The following VTI1A variants were observed in gnomAD, a reference collection of about 807,000 sequenced individuals.
VTI1A encodes vesicle transport through interaction with t-SNAREs homolog 1A.
In VTI1A, 22 loss-of-function variants were observed where a neutral mutation model predicts 34.9. That is an observed-to-expected ratio of 0.63 (90% CI 0.45 to 0.90). The LOEUF (loss-of-function observed/expected upper bound fraction) is 0.90, where lower values mean the gene tolerates loss of function less well. Among genes scored for constraint, VTI1A ranks in the 40% least tolerant of loss-of-function variants. The probability of loss-of-function intolerance (pLI) is 0.00; values close to 1 mark genes in which losing one functional copy is unlikely to be tolerated. For synonymous variants in VTI1A, 87 were observed against 97.3 expected (o/e 0.89, Z 0.62); for missense variants, 268 against 275.6 (o/e 0.97, Z 0.20).
At position 112,647,003 on chromosome 10, in the gene VTI1A, G is replaced by A. The variant is rs548379876; in HGVS notation, c.428-21215G>A. Among the ~76,000 whole-genome samples, 333 of 152,092 alleles carry A rather than the reference G, an allele frequency of 2.2e-3. 1 individual carries two copies. The highest frequency in any genetic ancestry group is 3.9e-3 in the Non-Finnish European group (262 of 68,002). On this transcript the variant is annotated intron_variant, in intron 5 of 7. Coordinates refer to ENST00000393077, the MANE Select transcript of VTI1A (RefSeq NM_145206.4). ...ATGCCTGTTATGTAATTGACTCTCCGTAATATTTATTGGCTTGAATTATAA... is the reference window on the plus strand; with the variant it reads ...ATGCCTGTTATGTAATTGACTCTCCATAATATTTATTGGCTTGAATTATAA...
intron 5 of VTI1A, among the ~76,000 whole-genome samples, chr10:112,539,621 C>A (rs1038649307): frequency 2.6e-5 from 4 of 152,210 alleles, no homozygotes; most frequent in Admixed American, 6.5e-5. Flanking sequence ...ATGGAAAGAG[C>A]CTTGAACATG....
At chr10:112,557,652 A>G (rs576448037) in intron 5 of VTI1A, among the ~76,000 whole-genome samples, 70 of 152,210 alleles carry the variant, frequency 4.6e-4, no homozygotes, top group Non-Finnish European at 7.9e-4. Flanking sequence ...AACAAATTAT[A>G]TATATATATT....
intron 4 of VTI1A, among the ~76,000 whole-genome samples, chr10:112,537,088 C>T (rs964757150): frequency 3.3e-5 from 5 of 151,726 alleles, no homozygotes; most frequent in African/African-American, 1.2e-4. Context: ...TGTGTGGCAC[C>T]TCCTTTTTTA....
chr10:112,781,821 C>G (rs1852136746), intron 7 of VTI1A, among the ~76,000 whole-genome samples: 1 of 152,154 alleles, frequency 6.6e-6, no homozygotes, highest in Non-Finnish European at 1.5e-5. Context: ...CACCACTGCA[C>G]TCCAGCCTGG....
At chr10:112,628,191 T>A (rs1845994809) in intron 5 of VTI1A, among the ~76,000 whole-genome samples, 1 of 152,236 alleles carries the variant, frequency 6.6e-6, no homozygotes, top group South Asian at 2.1e-4. Context: ...TATTCCATAA[T>A]GTGTCTGTAT....
At chr10:112,655,341 G>A (rs985625875) in intron 5 of VTI1A, among the ~76,000 whole-genome samples, 2 of 152,162 alleles carry the variant, frequency 1.3e-5, no homozygotes, top group African/African-American at 4.8e-5. Flanking sequence ...TAGAAACCAA[G>A]GAGTAAAGAG....
chr10:112,551,039 G>A (rs764178942), intron 5 of VTI1A, among the ~76,000 whole-genome samples: 8 of 151,888 alleles, frequency 5.3e-5, no homozygotes, highest in East Asian at 3.9e-4. Context: ...GTCGGGAGAT[G>A]GAGACCATCC....
intron 7 of VTI1A, among the ~76,000 whole-genome samples, chr10:112,814,782 C>T (rs1048383883): frequency 1.3e-5 from 2 of 152,212 alleles, no homozygotes; most frequent in East Asian, 1.9e-4. Flanking sequence ...GCACATTTGA[C>T]ACTTGTTTCT....
intron 5 of VTI1A, among the ~76,000 whole-genome samples, chr10:112,637,608 G>A (rs551781832): frequency 1.3e-5 from 2 of 152,078 alleles, no homozygotes; most frequent in Admixed American, 6.5e-5. Context: ...GCAGTGTGCC[G>A]AGATCGCGCT....
At chr10:112,597,325 C>A (rs1236673858) in intron 5 of VTI1A, among the ~76,000 whole-genome samples, 2 of 152,108 alleles carry the variant, frequency 1.3e-5, no homozygotes, top group Admixed American at 6.6e-5. Context: ...TCAAGCGATT[C>A]TCTTGCCTCA....
intron 7 of VTI1A, among the ~76,000 whole-genome samples, chr10:112,697,518 T>A (rs536915853): frequency 6.6e-6 from 1 of 151,512 alleles, no homozygotes; most frequent in African/African-American, 2.4e-5. Flanking sequence ...TGCCTCAGCC[T>A]CCTGAGTAGC....
intron 5 of VTI1A, among the ~76,000 whole-genome samples, chr10:112,599,789 A>G (rs1157110197): frequency 6.6e-6 from 1 of 152,128 alleles, no homozygotes; most frequent in Admixed American, 6.5e-5. Context: ...TATGTTGCCC[A>G]GGTTGGTTTC....
intron 5 of VTI1A, among the ~76,000 whole-genome samples, chr10:112,571,428 C>T (rs1852113689): frequency 1.3e-5 from 2 of 152,124 alleles, no homozygotes; most frequent in African/African-American, 4.8e-5. Flanking sequence ...TAGCAGTTGA[C>T]ACAATGAGAT....
intron 3 of VTI1A, among the ~76,000 whole-genome samples, chr10:112,490,893 A>G (rs1258690558): frequency 6.6e-6 from 1 of 152,136 alleles, no homozygotes; most frequent in East Asian, 1.9e-4. Flanking sequence ...TAGCATTGAG[A>G]AAGGCACTTA....
rs530981577 is a variant in VTI1A, at chr10:112,526,993, C to T, written c.265-94C>T. 170 of 1,234,552 alleles carry T rather than the reference C, an allele frequency of 1.4e-4. 2 individuals are homozygous for T. The East Asian group carries it at 3.9e-3, about 29-fold the overall frequency. 76.5% of individuals were successfully genotyped at this position (1,234,552 alleles called of 1,614,324 possible). A position where few individuals can be genotyped will look rare whatever the true frequency, so the allele number is the denominator to read the frequency against. ...CAATAGGTTTCCATTAGGGGGCTCTCGAGGTTTGAGATCAGCCTTGATACC... is the reference window on the plus strand; with the variant it reads ...CAATAGGTTTCCATTAGGGGGCTCTTGAGGTTTGAGATCAGCCTTGATACC... On this transcript the variant is annotated intron_variant, in intron 3 of 7. Transcript: ENST00000393077.
chr10:112,733,309 G>A (rs868210261), intron 7 of VTI1A, among the ~76,000 whole-genome samples: 8 of 151,934 alleles, frequency 5.3e-5, no homozygotes, highest in African/African-American at 1.7e-4. Flanking sequence ...ACAATGTTAT[G>A]CAACCCTCAT....
At chr10:112,695,684 G>A (rs892716706) in intron 7 of VTI1A, among the ~76,000 whole-genome samples, 2 of 152,174 alleles carry the variant, frequency 1.3e-5, no homozygotes, top group African/African-American at 2.4e-5. Context: ...AATGCACGTT[G>A]CAGATGCACT....
chr10:112,817,071 A>G lies in VTI1A; in HGVS notation c.*1688A>G. 4.3e-6 allele frequency: 1 copy of G among 232,564 alleles called. No individual in the cohort carries two copies. The highest frequency in any genetic ancestry group is 6.1e-5 in the East Asian group (1 of 16,492). The allele number at this position is 232,564 out of a possible 1,614,324, so 14.4% of individuals were successfully genotyped here. A position where few individuals can be genotyped will look rare whatever the true frequency, so the allele number is the denominator to read the frequency against. On this transcript the variant is annotated 3_prime_UTR_variant, in exon 8 of 8. Coordinates refer to ENST00000393077, the MANE Select transcript of VTI1A (RefSeq NM_145206.4). The stretch of plus-strand genomic sequence containing the variant: ...GCTTAAGGGATCCGTCTCAGCAAGA[A>G]TCTTGTATTCTGATAACGGAATGCT...
At chr10:112,492,071 G>T (rs1018899805) in intron 3 of VTI1A, among the ~76,000 whole-genome samples, 2 of 152,164 alleles carry the variant, frequency 1.3e-5, no homozygotes, top group Admixed American at 1.3e-4. Flanking sequence ...TTCGATCAAG[G>T]TTGGGCACTG....
Sources: allele counts gnomAD v4.1 joint callset (sites outside exome capture counted in the v4.1 genomes callset), GRCh38; gene constraint gnomAD v4.1.1; transcripts MANE v1.5; gene names NCBI Gene and HGNC (gene_info 2026-07-23, HGNC 2026-07-21).